FANCD2: variants seen among roughly 807,000 people sequenced by gnomAD.
FANCD2 encodes the protein Fanconi anemia group D2 protein.
FANCD2 carries 131 observed loss-of-function variants against 192.3 expected under a neutral mutation model. That is an observed-to-expected ratio of 0.68 (90% CI 0.59 to 0.79). The LOEUF (loss-of-function observed/expected upper bound fraction) is 0.79, where lower values mean the gene tolerates loss of function less well. Ranked by LOEUF, FANCD2 falls within the 30% of genes least tolerant of loss-of-function variation. The pLI, the probability that FANCD2 is intolerant of heterozygous loss-of-function variation, is 0.00. For synonymous variants in FANCD2, 524 were observed against 612.5 expected, an observed-to-expected ratio of 0.86 and a Z score of 2.13; for missense variants, 1,508 against 1,701.6, an observed-to-expected ratio of 0.89 and a Z score of 2.00.
rs749060270 is a variant in FANCD2, at chr3:10,035,158, C to G, written c.378-15C>G. On this transcript the variant is annotated splice_polypyrimidine_tract_variant and intron_variant, in intron 5 of 43. Transcript: ENST00000675286. ...GGAAAGCAAAGTGGAAAACAGATTT[C>G]TTTTTTTTTTACAGTATGGGTGCAT... 1.4e-6 allele frequency: 2 copies of G among 1,435,768 alleles called. No homozygotes were observed. Among genetic ancestry groups the G allele is most frequent in the Non-Finnish European group, 1.9e-6 (2 of 1,046,336 alleles). 88.9% of individuals were successfully genotyped at this position (1,435,768 alleles called of 1,614,324 possible). A position where few individuals can be genotyped will look rare whatever the true frequency, so the allele number is the denominator to read the frequency against.
intron 2 of FANCD2, chr3:10,032,479 G>A (rs1234812149): frequency 3.5e-6 from 1 of 286,000 alleles, no homozygotes; most frequent in South Asian, 3.1e-5. Context: ...TGGGGGTGAA[G>A]GGGGGGAGAT....
intron 29 of FANCD2, among the ~76,000 whole-genome samples, chr3:10,074,935 T>TACC (rs1693454273): frequency 6.6e-6 from 1 of 152,132 alleles, no homozygotes; most frequent in African/African-American, 2.4e-5. Context: ...CTACTACTAC[T>TACC]AATAAGCTAC....
intron 18 of FANCD2, 100 bp from the exon 19 acceptor site, chr3:10,060,194 C>T (rs1419411169): frequency 2.1e-5 from 15 of 716,828 alleles, no homozygotes; most frequent in African/African-American, 1.1e-4. Flanking sequence ...AGTTAGTAAA[C>T]GGTAAACGCC....
chr3:10,028,782 T>A (rs2086520161), intron 2 of FANCD2, 61 bp downstream of exon 2: 1 of 1,389,692 alleles, frequency 7.2e-7, no homozygotes, highest in Middle Eastern at 1.8e-4. Context: ...ATGTGAGAGA[T>A]ATAAAGTTCC....
At chr3:10,078,317 G>A (rs1693642373) in intron 30 of FANCD2, 120 bp downstream of exon 30, 9 of 748,940 alleles carry the variant, frequency 1.2e-5, no homozygotes, top group Non-Finnish European at 2.0e-5. Context: ...TAGCATGGGT[G>A]CAGCCGTATT....
chr3:10,078,056 A>G (rs772745065), intron 29 of FANCD2, 25 bp from the exon 30 acceptor site: 2 of 1,456,580 alleles, frequency 1.4e-6, no homozygotes, highest in Non-Finnish European at 1.9e-6. Context: ...CATTCCTGGA[A>G]CTAATCCTTT....
intron 6 of FANCD2, 116 bp from the exon 7 acceptor site, chr3:10,036,171 C>A: frequency 1.4e-6 from 1 of 704,532 alleles, no homozygotes; most frequent in Non-Finnish European, 2.5e-6. Flanking sequence ...ACTGCAATCT[C>A]TGCCTTCCCC....
rs138608601 is a variant in FANCD2, at chr3:10,067,376, C to G, written c.2494+59C>G. 8,380 of 1,004,746 alleles carry G rather than the reference C, an allele frequency of 8.3e-3. 44 individuals are homozygous for G. The highest frequency in any genetic ancestry group is 0.011 in the Non-Finnish European group (7,199 of 637,506). The allele number at this position is 1,004,746 out of a possible 1,614,324, so 62.2% of individuals were successfully genotyped here. On this transcript the variant is annotated intron_variant, in intron 26 of 43. Coordinates refer to ENST00000675286, the MANE Select transcript of FANCD2 (RefSeq NM_001018115.3). ...AGGCCAGTAGTGAGGCAATAAAGCA[C>G]TTAGCTTTCCCTGATACCAAAACCA...
At position 10,067,349 on chromosome 3, in the gene FANCD2, C is replaced by G. The variant is rs374345567; in HGVS notation, c.2494+32C>G. On this transcript the variant is annotated intron_variant, in intron 26 of 43. Coordinates refer to ENST00000675286, the MANE Select transcript of FANCD2 (RefSeq NM_001018115.3). ...GAAGTGTCCTATACTGGTAGTACTA[C>G]TAGGCCAGTAGTGAGGCAATAAAGC... 11 of 1,291,318 alleles carry G rather than the reference C, an allele frequency of 8.5e-6. No individual in the cohort carries two copies. In the African/African-American group the frequency reaches 1.6e-4, roughly 19 times the overall value. 80.0% of individuals were successfully genotyped at this position (1,291,318 alleles called of 1,614,324 possible).
chr3:10,086,201 C>T (rs1350545831), intron 33 of FANCD2, among the ~76,000 whole-genome samples: 1 of 152,194 alleles, frequency 6.6e-6, no homozygotes, highest in Non-Finnish European at 1.5e-5. Context: ...CTGTAATCAA[C>T]TCTTGATTAT....
At chr3:10,091,209 T>C (rs1559406476) in intron 37 of FANCD2, among the ~76,000 whole-genome samples, 2 of 147,488 alleles carry the variant, frequency 1.4e-5, no homozygotes, top group Admixed American at 7.1e-5. Context: ...GCCTCCCAAA[T>C]AGCTGGGACC....
rs55861547 is a variant in FANCD2 at position 10,085,889 on chromosome 3, G to C, written c.3302G>C (p.Gly1101Ala). 1 of 1,613,548 alleles carries C rather than the reference G, an allele frequency of 6.2e-7. No individual in the cohort carries two copies. Residue 1101 changes from glycine (G) to alanine (A), a missense_variant, in exon 33 of 44, where the codon GGA becomes GCA. Physicochemically the swap from Gly to Ala is moderately conservative, Grantham distance 60. Around this residue, in one of 5 missense-constraint regions of FANCD2, gnomAD observed 796 missense variants for 879.4 expected, o/e 0.91. Coordinates refer to ENST00000675286, the MANE Select transcript of FANCD2 (RefSeq NM_001018115.3). ...LHVLSSRLKQ[G>A]EHSQPLEELL... ...GTCCTTAGTAGCCGACTGAAACAGGGAGAACACAGCCAGCCTTTGGAGGAA... is the reference window on the plus strand; with the variant it reads ...GTCCTTAGTAGCCGACTGAAACAGGCAGAACACAGCCAGCCTTTGGAGGAA...
At position 10,073,328 on chromosome 3, in the gene FANCD2, A is replaced by G; in HGVS notation, c.2681A>G (p.Asp894Gly). The G allele has an allele frequency of 1.2e-6, 2 of 1,613,662 alleles. No homozygotes were observed. Among genetic ancestry groups the G allele is most frequent in the Non-Finnish European group, 1.7e-6 (2 of 1,179,566 alleles). Residue 894 changes from aspartate (D) to glycine (G), a missense_variant, in exon 28 of 44, where the codon GAC (aspartate) becomes GGC (glycine). Around this residue, in one of 5 missense-constraint regions of FANCD2, gnomAD observed 796 missense variants for 879.4 expected, o/e 0.91. Coordinates refer to ENST00000675286, the MANE Select transcript of FANCD2 (RefSeq NM_001018115.3). ...TLSEEKNSEC[D>G]PTPSHRGQLN... ...TCAGAAGAGAAAAATTCAGAATGTG[A>G]CCCTACGCCATCTCATAGAGGCCAG...
intron 18 of FANCD2, among the ~76,000 whole-genome samples, chr3:10,053,568 A>T (rs13434249): frequency 0.023 from 3,565 of 151,752 alleles, 149 homozygotes; most frequent in African/African-American, 0.081. Context: ...ATTAAAAAAA[A>T]TTTTTTTGTA....
chr3:10,052,073 G>C (rs374761373), intron 17 of FANCD2, among the ~76,000 whole-genome samples: 121 of 152,272 alleles, frequency 7.9e-4, no homozygotes, highest in Non-Finnish European at 1.6e-3. Flanking sequence ...AGCAGTAGAT[G>C]ATTAAAGCCC....
intron 36 of FANCD2, among the ~76,000 whole-genome samples, chr3:10,089,346 GCTC>G (rs1221241637): frequency 1.3e-5 from 2 of 151,752 alleles, no homozygotes; most frequent in African/African-American, 2.4e-5. Flanking sequence ...CAACTGCCTT[GCTC>G]CTCCTCATCT....
intron 8 of FANCD2, 100 bp from the exon 9 acceptor site, chr3:10,039,621 G>A (rs2086813693): frequency 7.4e-7 from 1 of 1,353,302 alleles, no homozygotes; most frequent in East Asian, 2.3e-5. Flanking sequence ...AAATGACTGT[G>A]TTTATTTCTC....
At chr3:10,054,350 TAC>T (rs1438142934) in intron 18 of FANCD2, among the ~76,000 whole-genome samples, 2 of 120,424 alleles carry the variant, frequency 1.7e-5, no homozygotes, top group African/African-American at 4.0e-5. Flanking sequence ...TATATATATA[TAC>T]GTATATATAT....
rs571505663 is a variant in FANCD2 at position 10,052,552 on chromosome 3, C to G, written c.1656+55C>G. On this transcript the variant is annotated intron_variant, in intron 18 of 43. Transcript: ENST00000675286. Reference sequence around the variant, plus strand: ...TTTTTTTTTGAGACAGAGTCTAGCTCTGTCTCCTAGACTGGAGTGCAGTTG... The same window carrying G: ...TTTTTTTTTGAGACAGAGTCTAGCTGTGTCTCCTAGACTGGAGTGCAGTTG... The G allele has an allele frequency of 2.8e-4, 338 of 1,208,092 alleles. 2 individuals carry two copies. Among genetic ancestry groups the G allele is most frequent in the South Asian group, 1.4e-3 (118 of 82,260 alleles). The allele number at this position is 1,208,092 out of a possible 1,614,324, so 74.8% of individuals were successfully genotyped here.
Sources: gnomAD v4.1 joint callset for allele counts (sites outside exome capture counted in the v4.1 genomes callset) on GRCh38, gnomAD v4.1.1 for gene constraint, gnomAD v4.1.1 regional missense constraint, MANE v1.5 for transcripts, NCBI Gene and HGNC (gene_info 2026-07-23, HGNC 2026-07-21) for gene names.